The following TRIM43 variants were observed in gnomAD, a reference collection of about 807,000 sequenced individuals.
The protein encoded by TRIM43 is tripartite motif-containing protein 43.
In TRIM43, 12 loss-of-function variants were observed where a neutral mutation model predicts 27.7. That is an observed-to-expected ratio of 0.43 (90% CI 0.28 to 0.70). The LOEUF is 0.70. Among genes scored for constraint, TRIM43 ranks in the 30% least tolerant of loss-of-function variants. The pLI is 0.17. For synonymous variants in TRIM43, 64 were observed against 121.9 expected (o/e 0.52, Z 3.13); for missense variants, 186 against 356.5 (o/e 0.52, Z 3.85).
intron 1 of TRIM43, 64 bp downstream of exon 1, chr2:95,592,213 G>A (rs1362691460): frequency 4.0e-5 from 6 of 151,648 alleles, no homozygotes; most frequent in Non-Finnish European, 8.8e-5. Flanking sequence ...CAAAATTTGG[G>A]GACTTTAATT....
rs759758476 is a variant in TRIM43 at position 95,593,996 on chromosome 2, A to G, written c.-4-24A>G. ...TTGTCTCTCCAGGGTAGAAGATTAAATTCCTGTGGTTTTCTTTCCTTAGGA... is the reference window on the plus strand; with the variant it reads ...TTGTCTCTCCAGGGTAGAAGATTAAGTTCCTGTGGTTTTCTTTCCTTAGGA... On this transcript the variant is annotated intron_variant, in intron 1 of 6. Coordinates refer to ENST00000272395, the MANE Select transcript of TRIM43 (RefSeq NM_138800.3). 8.3e-6 allele frequency: 13 copies of G among 1,571,920 alleles called. No individual in the cohort carries two copies. In the Admixed American group the frequency reaches 2.4e-4, roughly 28 times the overall value.
In TRIM43 at chr2:95,596,408, T is replaced by G; in HGVS notation, c.714T>G (p.His238Gln). The change falls in exon 4 of 7, where the codon CAT becomes CAG. Residue 238 changes from histidine to glutamine, a missense_variant. His to Gln is a conservative substitution (Grantham distance 24). Coordinates refer to ENST00000272395, the MANE Select transcript of TRIM43 (RefSeq NM_138800.3). ...ATCAGGAACTAATGGAAATGTGTCATAAACCAGATGTGGAGCTGCTCCAGG... is the reference window on the plus strand; with the variant it reads ...ATCAGGAACTAATGGAAATGTGTCAGAAACCAGATGTGGAGCTGCTCCAGG... The part of the protein sequence containing the change: ...EMYQELMEMC[H>Q]KPDVELLQDL... 6.2e-7 allele frequency: 1 copy of G among 1,603,258 alleles called. No individual in the cohort carries two copies. The highest frequency in any genetic ancestry group is 8.5e-7 in the Non-Finnish European group (1 of 1,173,156).
intron 1 of TRIM43, among the ~76,000 whole-genome samples, chr2:95,592,555 T>G (rs533530699): frequency 6.6e-6 from 1 of 151,606 alleles, no homozygotes; most frequent in East Asian, 1.9e-4. Context: ...TTTTTTTTAG[T>G]AGAGACGGGA....
Position 95,596,279 on chromosome 2 carries a change from A to G in TRIM43, c.585A>G (p.Lys195=), listed in dbSNP as rs1370328335. 2.1e-5 allele frequency: 34 copies of G among 1,609,364 alleles called. No homozygotes were observed. The highest frequency in any genetic ancestry group is 2.9e-5 in the Non-Finnish European group (34 of 1,177,750). Residue 195 remains lysine (K), a synonymous_variant, in exon 4 of 7, where the codon AAA becomes AAG. Coordinates refer to ENST00000272395, the MANE Select transcript of TRIM43 (RefSeq NM_138800.3). ...ATCCGGTTCTCCATAAGGAAGAAAA[A>G]CAACATTTAGAGAGACTGAACAAGG... The part of the protein sequence containing the change: ...KLHPVLHKEE[K]QHLERLNKEY...
chr2:95,593,143 T>C (rs549394448), intron 1 of TRIM43, among the ~76,000 whole-genome samples: 6 of 151,674 alleles, frequency 4.0e-5, no homozygotes, highest in Non-Finnish European at 7.4e-5. Context: ...GTGATCTGCC[T>C]GCCTCAGCCA....
At chr2:95,594,479 A>C in intron 2 of TRIM43, 45 bp downstream of exon 2, 1 of 1,596,378 alleles carries the variant, frequency 6.3e-7, no homozygotes, top group Non-Finnish European at 8.5e-7. Flanking sequence ...AGGGTGGCAG[A>C]GTTAAAGATA....
At chr2:95,593,376 C>A (rs1424518909) in intron 1 of TRIM43, among the ~76,000 whole-genome samples, 1 of 148,778 alleles carries the variant, frequency 6.7e-6, no homozygotes, top group East Asian at 2.0e-4. Context: ...GAACAGTAAA[C>A]ATGCCAGAAA....
At position 95,595,297 on chromosome 2, in the gene TRIM43, T is replaced by C. The variant is rs537340873; in HGVS notation, c.507+152T>C. ...CAACCAGACTGTTCAACATAACGAT[T>C]GTTCAGGTTTTCTGTAAATGCTTTT... On this transcript the variant is annotated intron_variant, in intron 3 of 6. Coordinates refer to ENST00000272395, the MANE Select transcript of TRIM43 (RefSeq NM_138800.3). 2.6e-3 allele frequency: 1,420 copies of C among 546,192 alleles called. 59 individuals are homozygous for C. The highest frequency in any genetic ancestry group is 8.0e-4 in the Non-Finnish European group (255 of 320,698). The allele number at this position is 546,192 out of a possible 1,614,324, so 33.8% of individuals were successfully genotyped here. A position where few individuals can be genotyped will look rare whatever the true frequency, so the allele number is the denominator to read the frequency against.
At chr2:95,592,282 C>T (rs1422864820) in intron 1 of TRIM43, 133 bp downstream of exon 1, 2 of 151,656 alleles carry the variant, frequency 1.3e-5, no homozygotes, top group East Asian at 3.8e-4. Flanking sequence ...GTTTTAAAAA[C>T]GGCTCCATTT....
intron 3 of TRIM43, among the ~76,000 whole-genome samples, chr2:95,595,627 G>A (rs1378089830): frequency 6.7e-6 from 1 of 150,344 alleles, no homozygotes; most frequent in African/African-American, 2.4e-5. Context: ...GATAAAAAAT[G>A]ACTGGGGCAG....
intron 2 of TRIM43, among the ~76,000 whole-genome samples, 176 bp downstream of exon 2, chr2:95,594,610 T>C (rs1208364841): frequency 6.6e-6 from 1 of 150,708 alleles, no homozygotes; most frequent in Non-Finnish European, 1.5e-5. Context: ...TTCATGGAGC[T>C]TGCACCCAAA....
chr2:95,594,803 G>C (rs1685324306), intron 2 of TRIM43, among the ~76,000 whole-genome samples: 2 of 151,442 alleles, frequency 1.3e-5, no homozygotes, highest in African/African-American at 2.4e-5. Flanking sequence ...GGGTTCTGAA[G>C]CAGGATGTTT....
rs553415409 is a variant in TRIM43 at position 95,592,767 on chromosome 2, C to A, written c.-5+618C>A. Among the ~76,000 whole-genome samples the A allele has an allele frequency of 4.0e-4, 60 of 151,734 alleles. 2 individuals are homozygous for A. Among genetic ancestry groups the A allele is most frequent in the African/African-American group, 1.2e-3 (51 of 41,380 alleles). On this transcript the variant is annotated intron_variant, in intron 1 of 6. Coordinates refer to ENST00000272395, the MANE Select transcript of TRIM43 (RefSeq NM_138800.3). ...AGAGTTCCTGAGCTCAAAAAACCTGCCTGACGGCCTCCCAAAATGCTGGGA... is the reference window on the plus strand; with the variant it reads ...AGAGTTCCTGAGCTCAAAAAACCTGACTGACGGCCTCCCAAAATGCTGGGA...
intron 3 of TRIM43, 100 bp from the exon 4 acceptor site, chr2:95,596,102 G>A (rs1482906013): frequency 7.1e-6 from 10 of 1,413,696 alleles, no homozygotes; most frequent in Non-Finnish European, 9.7e-6. Flanking sequence ...TGTTTGTAAA[G>A]GATGGAAAAT....
chr2:95,595,526 G>T (rs1396314787), intron 3 of TRIM43, among the ~76,000 whole-genome samples: 3 of 151,210 alleles, frequency 2.0e-5, no homozygotes, highest in Admixed American at 2.0e-4. Flanking sequence ...TAAGAAATGT[G>T]CCTGTGCTGG....
chr2:95,596,073 C>T, intron 3 of TRIM43, 129 bp from the exon 4 acceptor site: 1 of 775,058 alleles, frequency 1.3e-6, no homozygotes, highest in Non-Finnish European at 2.1e-6. Context: ...GAAGGAAGGT[C>T]TTGCTTAACT....
chr2:95,593,159 G>A (rs1436591047), intron 1 of TRIM43, among the ~76,000 whole-genome samples: 1 of 151,774 alleles, frequency 6.6e-6, no homozygotes, highest in African/African-American at 2.4e-5. Flanking sequence ...AGCCACCTCG[G>A]CCTCCCAAAG....
chr2:95,592,471 C>A (rs1402361944), intron 1 of TRIM43, among the ~76,000 whole-genome samples: 2 of 151,606 alleles, frequency 1.3e-5, no homozygotes, highest in Admixed American at 6.6e-5. Context: ...CAGGTTCAAA[C>A]GATTCTTCAG....
rs772054328 is a variant in TRIM43 at position 95,594,149 on chromosome 2, G to C, written c.126G>C (p.Ser42=). The C allele has an allele frequency of 1.9e-6, 3 of 1,612,342 alleles. No individual in the cohort carries two copies. Among genetic ancestry groups the C allele is most frequent in the Admixed American group, 3.3e-5 (2 of 59,914 alleles). ...TCTGTAGGCCCTGTCTCTGCCTTTC[G>C]TGGGAGGAAGCCCAAAGTCCTGCAA... is the stretch of plus-strand genomic sequence containing the variant. The part of the protein sequence containing the change: ...HSFCRPCLCL[S]WEEAQSPANC... Residue 42 remains serine, a synonymous_variant, in exon 2 of 7, where the codon TCG becomes TCC. Coordinates refer to ENST00000272395, the MANE Select transcript of TRIM43 (RefSeq NM_138800.3).
Sources: gnomAD v4.1 joint callset for allele counts (sites outside exome capture counted in the v4.1 genomes callset) on GRCh38, gnomAD v4.1.1 for gene constraint, MANE v1.5 for transcripts, NCBI Gene and HGNC (gene_info 2026-07-23, HGNC 2026-07-21) for gene names.